FBXW8: variants seen among roughly 807,000 people sequenced by gnomAD.
The protein encoded by FBXW8 is F-box and WD repeat domain containing 8, also known as F-box/WD repeat-containing protein 8.
Under a neutral mutation model 65.3 loss-of-function variants are expected in FBXW8, and 57 were observed. That is an observed-to-expected ratio of 0.87 (90% confidence interval 0.71 to 1.09). The LOEUF (loss-of-function observed/expected upper bound fraction) is 1.09. FBXW8 is among the 50% of genes least tolerant of loss of function. The pLI, the probability that FBXW8 is intolerant of heterozygous loss-of-function variation, is 0.00. For synonymous variants in FBXW8, 308 were observed against 330.2 expected (o/e 0.93, Z 0.73); for missense variants, 777 against 814.8 (o/e 0.95, Z 0.57).
chr12:116,963,128 T>C (rs1884086532), intron 4 of FBXW8, among the ~76,000 whole-genome samples: 1 of 152,184 alleles, frequency 6.6e-6, no homozygotes, highest in Non-Finnish European at 1.5e-5. Flanking sequence ...TTTGGCTCTT[T>C]ATCCCACATG....
chr12:116,963,740 C>G (rs1196576153), intron 4 of FBXW8, among the ~76,000 whole-genome samples: 1 of 152,202 alleles, frequency 6.6e-6, no homozygotes, highest in African/African-American at 2.4e-5. Flanking sequence ...CAAAGAAACC[C>G]TGCAGGAACT....
At chr12:116,922,473 A>G (rs1395337827) in intron 1 of FBXW8, among the ~76,000 whole-genome samples, 1 of 152,190 alleles carries the variant, frequency 6.6e-6, no homozygotes, top group African/African-American at 2.4e-5. Context: ...ACCCAGAGAG[A>G]TCTTTCATGT....
chr12:117,030,908 AC>A lies in FBXW8; in HGVS notation c.*2739del, dbSNP rs1466170769. On this transcript the variant is annotated 3_prime_UTR_variant, in exon 11 of 11. Transcript: ENST00000652555. ...ATTAAGCCCCCTTACCTTTATCCAG[AC>A]CCTTTCACAAACAAGTTCTGAGTTT... The A allele has an allele frequency of 2.0e-5, 3 of 152,042 alleles. No individual in the cohort carries two copies. The highest frequency in any genetic ancestry group is 7.2e-5 in the African/African-American group (3 of 41,394). 9.4% of individuals were successfully genotyped at this position (152,042 alleles called of 1,614,324 possible).
chr12:116,932,783 C>T (rs7309036), intron 2 of FBXW8, among the ~76,000 whole-genome samples: 2,031 of 152,306 alleles, frequency 0.013, 41 homozygotes, highest in African/African-American at 0.046. Flanking sequence ...CCACCTGCCT[C>T]GGCCTCCCAA....
At chr12:116,972,079 A>G (rs1402543983) in intron 5 of FBXW8, among the ~76,000 whole-genome samples, 5 of 152,230 alleles carry the variant, frequency 3.3e-5, no homozygotes, top group South Asian at 4.1e-4. Flanking sequence ...AATTTACACT[A>G]TAAGATTTAG....
At chr12:116,959,580 C>T (rs752117734) in intron 4 of FBXW8, among the ~76,000 whole-genome samples, 13 of 152,278 alleles carry the variant, frequency 8.5e-5, no homozygotes, top group Non-Finnish European at 1.3e-4. Flanking sequence ...AAAATGGAAA[C>T]GCTGCTGGAT....
At chr12:116,945,936 G>A (rs1172873398) in intron 3 of FBXW8, among the ~76,000 whole-genome samples, 1 of 152,220 alleles carries the variant, frequency 6.6e-6, no homozygotes, top group Non-Finnish European at 1.5e-5. Flanking sequence ...AGAGGGAGAT[G>A]ATTAAACATC....
At chr12:117,005,975 C>T (rs1390071953) in intron 7 of FBXW8, among the ~76,000 whole-genome samples, 1 of 152,192 alleles carries the variant, frequency 6.6e-6, no homozygotes, top group Non-Finnish European at 1.5e-5. Flanking sequence ...CTCTCTTTGC[C>T]ACTGCCCTTT....
chr12:117,002,289 G>A (rs1179724963), intron 7 of FBXW8, among the ~76,000 whole-genome samples: 4 of 152,232 alleles, frequency 2.6e-5, no homozygotes, highest in African/African-American at 9.6e-5. Context: ...CAGCAACACC[G>A]TCCCATCCCT....
chr12:116,914,998 C>T lies in FBXW8; in HGVS notation c.318+3643C>T, dbSNP rs538523775. Among the ~76,000 whole-genome samples the T allele has an allele frequency of 7.9e-5, 12 of 152,342 alleles. No homozygotes were observed. In the East Asian group the frequency reaches 1.2e-3, roughly 15 times the overall value. The stretch of plus-strand genomic sequence containing the variant: ...TGTCTTAAGGGTTTAGAGACATTAT[C>T]GTCTTCATTTCTCCCAACAACTCTC... On this transcript the variant is annotated intron_variant, in intron 1 of 10. Transcript: ENST00000652555.
intron 4 of FBXW8, among the ~76,000 whole-genome samples, chr12:116,960,793 CTT>C (rs1172536591): frequency 6.6e-6 from 1 of 152,136 alleles, no homozygotes; most frequent in South Asian, 2.1e-4. Context: ...TTCTTGAAGA[CTT>C]TACAGTCAAG....
intron 1 of FBXW8, among the ~76,000 whole-genome samples, chr12:116,920,350 T>C (rs1880793896): frequency 6.6e-6 from 1 of 152,198 alleles, no homozygotes; most frequent in Non-Finnish European, 1.5e-5. Context: ...CCCACAAATA[T>C]TTATTAAGTG....
intron 8 of FBXW8, among the ~76,000 whole-genome samples, chr12:117,013,567 G>A (rs1176841338): frequency 3.3e-5 from 5 of 152,028 alleles, no homozygotes; most frequent in Non-Finnish European, 5.9e-5. Context: ...TCTGGTACTC[G>A]GCGGGTGCCT....
rs556557387 is a variant in FBXW8 at position 117,024,416 on chromosome 12, A to AC, written c.1541+102dup. On this transcript the variant is annotated intron_variant, in intron 9 of 10. Transcript: ENST00000652555. ...CCAGGCACGGTGCTAAATGCCCCCTACCCCCCGGCTTCGCCAGGTGAATCC... is the reference window on the plus strand; with the variant it reads ...CCAGGCACGGTGCTAAATGCCCCCTACCCCCCCGGCTTCGCCAGGTGAATCC... The AC allele has an allele frequency of 6.0e-4, 865 of 1,439,410 alleles. 5 individuals are homozygous for AC. The African/African-American group carries it at 9.6e-3, about 16-fold the overall frequency. 89.2% of individuals were successfully genotyped at this position (1,439,410 alleles called of 1,614,324 possible). A position where few individuals can be genotyped will look rare whatever the true frequency, so the allele number is the denominator to read the frequency against.
At chr12:116,935,312 G>GT (rs1882077723) in intron 2 of FBXW8, among the ~76,000 whole-genome samples, 1 of 152,208 alleles carries the variant, frequency 6.6e-6, no homozygotes, top group South Asian at 2.1e-4. Flanking sequence ...GTGATTTTAT[G>GT]TCCATGTAGG....
intron 2 of FBXW8, among the ~76,000 whole-genome samples, chr12:116,944,154 C>T (rs1025088532): frequency 3.9e-5 from 6 of 152,146 alleles, no homozygotes; most frequent in East Asian, 1.9e-4. Flanking sequence ...ACAACTTAGA[C>T]GTCACTGTTC....
intron 1 of FBXW8, among the ~76,000 whole-genome samples, chr12:116,915,052 G>C (rs1244910709): frequency 1.3e-5 from 2 of 152,220 alleles, no homozygotes; most frequent in Non-Finnish European, 2.9e-5. Context: ...CTAATCTGTA[G>C]ATGAGCATTA....
Position 117,013,782 on chromosome 12 carries a change from T to C in FBXW8, c.1367+3332T>C, listed in dbSNP as rs1953881973. On this transcript the variant is annotated intron_variant, in intron 8 of 10. Coordinates refer to ENST00000652555, the MANE Select transcript of FBXW8 (RefSeq NM_153348.3). ...TTTTTTATTATCATCAGTGGTGTTT[T>C]CAATGAAATGAAAGTATATATTCAC... 2.6e-5 allele frequency among the ~76,000 whole-genome samples: 4 copies of C among 152,096 alleles called. No individual in the cohort carries two copies. In the South Asian group the frequency reaches 8.3e-4, roughly 31 times the overall value.
At chr12:116,974,858 A>G (rs1884828132) in intron 5 of FBXW8, among the ~76,000 whole-genome samples, 1 of 152,222 alleles carries the variant, frequency 6.6e-6, no homozygotes, top group Non-Finnish European at 1.5e-5. Context: ...TAAATACAAG[A>G]TGAATCTGGA....
Sources: allele counts gnomAD v4.1 joint callset (sites outside exome capture counted in the v4.1 genomes callset), GRCh38; gene constraint gnomAD v4.1.1; transcripts MANE v1.5; gene names NCBI Gene and HGNC (gene_info 2026-07-23, HGNC 2026-07-21).